ZNF804A: variants seen among roughly 807,000 people sequenced by gnomAD.
ZNF804A encodes zinc finger protein 804A.
ZNF804A carries 2 observed loss-of-function variants against 16.5 expected under a neutral mutation model. That is an observed-to-expected ratio of 0.12 (90% CI 0.05 to 0.38). The LOEUF is 0.38. Among genes scored for constraint, ZNF804A ranks in the 10% least tolerant of loss-of-function variants. The pLI, the probability that ZNF804A is intolerant of heterozygous loss-of-function variation, is 0.99. For synonymous variants in ZNF804A, 534 were observed against 489.6 expected, an observed-to-expected ratio of 1.09 and a Z score of -1.20; for missense variants, 1,473 against 1,390.7, an observed-to-expected ratio of 1.06 and a Z score of -0.94.
At chr2:184,727,015 T>C (rs1390707393) in intron 1 of ZNF804A, among the ~76,000 whole-genome samples, 2 of 151,782 alleles carry the variant, frequency 1.3e-5, no homozygotes, top group East Asian at 1.9e-4. Context: ...AATAGTCTCC[T>C]TGGTAATTTA....
chr2:184,783,146 T>G (rs73980314), intron 1 of ZNF804A, among the ~76,000 whole-genome samples: 8 of 132,960 alleles, frequency 6.0e-5, no homozygotes, highest in African/African-American at 2.5e-4. Context: ...GAGTTTTTTT[T>G]TTTTTTTTTT....
At chr2:184,871,641 A>G (rs937948012) in intron 2 of ZNF804A, among the ~76,000 whole-genome samples, 1 of 151,978 alleles carries the variant, frequency 6.6e-6, no homozygotes, top group African/African-American at 2.4e-5. Flanking sequence ...AGTAAAAAGT[A>G]TAACAAGAGT....
At chr2:184,847,624 T>C (rs1470844223) in intron 1 of ZNF804A, among the ~76,000 whole-genome samples, 1 of 151,982 alleles carries the variant, frequency 6.6e-6, no homozygotes, top group African/African-American at 2.4e-5. Context: ...ACGTGGGTAT[T>C]TTTTCCTCAC....
In ZNF804A at chr2:184,598,901, G is replaced by A; in HGVS notation, c.-59G>A. Reference sequence around the variant, plus strand: ...CCGTCGCCGGCCCCGGCGCGCTGCGGCTGTGGGCGCGGGGTGCGTGGAAGC... The same window carrying A: ...CCGTCGCCGGCCCCGGCGCGCTGCGACTGTGGGCGCGGGGTGCGTGGAAGC... On this transcript the variant is annotated 5_prime_UTR_variant, in exon 1 of 4. Coordinates refer to ENST00000302277, the MANE Select transcript of ZNF804A (RefSeq NM_194250.2). 16 of 1,228,916 alleles carry A rather than the reference G, an allele frequency of 1.3e-5. No individual in the cohort carries two copies. The highest frequency in any genetic ancestry group is 1.8e-5 in the Non-Finnish European group (16 of 889,520). The allele number at this position is 1,228,916 out of a possible 1,614,324, so 76.1% of individuals were successfully genotyped here.
At chr2:184,847,486 A>C (rs924141988) in intron 1 of ZNF804A, among the ~76,000 whole-genome samples, 2 of 152,118 alleles carry the variant, frequency 1.3e-5, no homozygotes, top group African/African-American at 2.4e-5. Context: ...TAATGAGACA[A>C]CAGCAAAGCT....
rs530242692 is a variant in ZNF804A, at chr2:184,611,930, A to T, written c.111+12860A>T. ...CATGGATAAGATATTGCTGACATAG[A>T]GTTGATGACCAATTATATCTTCATT... On this transcript the variant is annotated intron_variant, in intron 1 of 3. Transcript: ENST00000302277. 4.6e-5 allele frequency among the ~76,000 whole-genome samples: 7 copies of T among 152,306 alleles called. No homozygotes were observed. The East Asian group carries it at 1.2e-3, about 25-fold the overall frequency.
intron 2 of ZNF804A, among the ~76,000 whole-genome samples, chr2:184,903,111 A>C (rs1379495039): frequency 2.0e-5 from 3 of 152,132 alleles, no homozygotes; most frequent in Non-Finnish European, 2.9e-5. Context: ...GTTTCTCTGT[A>C]ATACAGATCT....
intron 1 of ZNF804A, among the ~76,000 whole-genome samples, chr2:184,701,845 A>G (rs1057303275): frequency 6.6e-6 from 1 of 151,962 alleles, no homozygotes; most frequent in African/African-American, 2.4e-5. Flanking sequence ...ATGTCACTAA[A>G]GTTATGTGAT....
At chr2:184,812,190 C>G (rs1352005386) in intron 1 of ZNF804A, among the ~76,000 whole-genome samples, 1 of 152,172 alleles carries the variant, frequency 6.6e-6, no homozygotes, top group Non-Finnish European at 1.5e-5. Flanking sequence ...CATAATAACT[C>G]TGAGACCACC....
chr2:184,835,165 G>A (rs1200633307), intron 1 of ZNF804A, among the ~76,000 whole-genome samples: 1 of 152,096 alleles, frequency 6.6e-6, no homozygotes, highest in African/African-American at 2.4e-5. Context: ...TACTGGGAAG[G>A]TTCTGAACTC....
At chr2:184,748,055 G>A (rs765816609) in intron 1 of ZNF804A, among the ~76,000 whole-genome samples, 1 of 151,340 alleles carries the variant, frequency 6.6e-6, no homozygotes, top group East Asian at 1.9e-4. Context: ...CACTTTGGTT[G>A]ATTCCATGTC....
intron 1 of ZNF804A, among the ~76,000 whole-genome samples, chr2:184,667,189 C>T (rs1437638755): frequency 6.6e-6 from 1 of 151,810 alleles, no homozygotes; most frequent in Non-Finnish European, 1.5e-5. Flanking sequence ...TTAAGACATT[C>T]TTACTGTTTT....
intron 1 of ZNF804A, among the ~76,000 whole-genome samples, chr2:184,614,737 A>G (rs1691293343): frequency 6.6e-6 from 1 of 152,256 alleles, no homozygotes; most frequent in African/African-American, 2.4e-5. Flanking sequence ...GGATGTGAAC[A>G]GACACTTCTG....
intron 2 of ZNF804A, among the ~76,000 whole-genome samples, chr2:184,928,679 T>C: frequency 6.6e-6 from 1 of 152,202 alleles, no homozygotes; most frequent in East Asian, 1.9e-4. Flanking sequence ...TGGCCCAAGG[T>C]GGCAAGGCTT....
At chr2:184,639,225 C>G (rs1258411354) in intron 1 of ZNF804A, among the ~76,000 whole-genome samples, 2 of 151,902 alleles carry the variant, frequency 1.3e-5, no homozygotes, top group African/African-American at 4.8e-5. Flanking sequence ...AGGTGCCCAC[C>G]ACCACGCCCA....
chr2:184,706,717 C>A (rs1401485593), intron 1 of ZNF804A, among the ~76,000 whole-genome samples: 1 of 152,108 alleles, frequency 6.6e-6, no homozygotes, highest in African/African-American at 2.4e-5. Context: ...GACCATACAG[C>A]TGTAATAGTT....
intron 1 of ZNF804A, among the ~76,000 whole-genome samples, chr2:184,616,588 G>T (rs766118475): frequency 6.6e-6 from 1 of 152,056 alleles, no homozygotes; most frequent in East Asian, 1.9e-4. Flanking sequence ...CAGACAGAAC[G>T]TAAGAGCTGC....
intron 1 of ZNF804A, among the ~76,000 whole-genome samples, chr2:184,609,978 A>C (rs1691210240): frequency 6.6e-6 from 1 of 152,172 alleles, no homozygotes; most frequent in South Asian, 2.1e-4. Flanking sequence ...AGCAGTGTTG[A>C]TAGGTGGGAC....
chr2:184,887,508 T>G (rs1440027316), intron 2 of ZNF804A, among the ~76,000 whole-genome samples: 1 of 152,174 alleles, frequency 6.6e-6, no homozygotes, highest in Non-Finnish European at 1.5e-5. Context: ...TTTTTCACAC[T>G]GTTGATAAAG....
Sources: gnomAD v4.1 joint callset for allele counts (sites outside exome capture counted in the v4.1 genomes callset) on GRCh38, gnomAD v4.1.1 for gene constraint, MANE v1.5 for transcripts, NCBI Gene and HGNC (gene_info 2026-07-23, HGNC 2026-07-21) for gene names.